OR52N4: variants seen among roughly 807,000 people sequenced by gnomAD.
The protein encoded by OR52N4 is olfactory receptor 52N4.
Under a neutral mutation model 15.0 loss-of-function variants are expected in OR52N4, and 15 were observed. The ratio of observed to expected loss-of-function variants is 1.00; its 90% CI spans 0.67 to 1.54. OR52N4 has a LOEUF of 1.54. Among genes scored for constraint, OR52N4 ranks in the 40% most tolerant of loss-of-function variants. The pLI, the probability that OR52N4 is intolerant of heterozygous loss-of-function variation, is 0.00. For missense variants in OR52N4, 421 were observed against 394.0 expected, an observed-to-expected ratio of 1.07 and a Z score of -0.58; for synonymous variants, 143 against 143.7, an observed-to-expected ratio of 1.00 and a Z score of 0.03.
the OR52N4 span, among the ~76,000 whole-genome samples, chr11:5,727,685 G>A: frequency 2.0e-5 from 3 of 152,146 alleles, no homozygotes; most frequent in Non-Finnish European, 4.4e-5. Context: ...GTAACGTGCA[G>A]ATATTGAAAA....
chr11:5,754,438 AAT>A (rs1188633317), intron 1 of OR52N4, 133 bp downstream of exon 1: 1 of 295,938 alleles, frequency 3.4e-6, no homozygotes, highest in Non-Finnish European at 6.2e-6. Flanking sequence ...TGAGATTGGG[AAT>A]ATGTCTTTTT....
chr11:5,729,362 C>T, the OR52N4 span, among the ~76,000 whole-genome samples: 6 of 152,062 alleles, frequency 3.9e-5, no homozygotes, highest in South Asian at 2.1e-4. Context: ...CCTTGTGATC[C>T]GCCTGCCTCA....
At chr11:5,728,523 C>T in the OR52N4 span, among the ~76,000 whole-genome samples, 1 of 152,156 alleles carries the variant, frequency 6.6e-6, no homozygotes, top group Non-Finnish European at 1.5e-5. Context: ...AACAAATTAG[C>T]ATTTTCAATT....
At chr11:5,734,618 C>A in the OR52N4 span, among the ~76,000 whole-genome samples, 1 of 152,016 alleles carries the variant, frequency 6.6e-6, no homozygotes, top group Admixed American at 6.5e-5. Flanking sequence ...AATTGTATCA[C>A]ACATATACAA....
upstream of OR52N4, among the ~76,000 whole-genome samples, chr11:5,750,887 A>G (rs1854176194): frequency 6.6e-6 from 1 of 152,056 alleles, no homozygotes; most frequent in African/African-American, 2.4e-5. Context: ...TACCTTAATT[A>G]AAAATTTAAA....
the OR52N4 span, among the ~76,000 whole-genome samples, chr11:5,733,637 C>A: frequency 4.6e-5 from 7 of 152,084 alleles, no homozygotes; most frequent in Non-Finnish European, 7.4e-5. Context: ...TATTCTCTCC[C>A]CCCACCTCAA....
the OR52N4 span, among the ~76,000 whole-genome samples, chr11:5,744,782 G>A: frequency 2.6e-5 from 4 of 152,104 alleles, no homozygotes; most frequent in East Asian, 1.9e-4. Context: ...GCATGGTGGC[G>A]CATGCCTGTA....
upstream of OR52N4, among the ~76,000 whole-genome samples, chr11:5,753,822 A>C (rs998985998): frequency 6.6e-6 from 1 of 151,874 alleles, no homozygotes; most frequent in African/African-American, 2.4e-5. Context: ...GTGAAACCCC[A>C]TCTCTGCTAA....
At chr11:5,735,379 GTAAA>G in the OR52N4 span, among the ~76,000 whole-genome samples, 3 of 152,036 alleles carry the variant, frequency 2.0e-5, no homozygotes, top group South Asian at 4.1e-4. Flanking sequence ...ATAATAAATG[GTAAA>G]TAAATAAAGG....
intron 1 of OR52N4, 135 bp from the exon 2 acceptor site, chr11:5,754,558 A>T (rs12364723): frequency 1.7e-6 from 1 of 578,472 alleles, no homozygotes; most frequent in Non-Finnish European, 2.9e-6. Flanking sequence ...TAAACAGACA[A>T]ACAAAATTAT....
At chr11:5,732,873 C>T in the OR52N4 span, among the ~76,000 whole-genome samples, 1 of 152,142 alleles carries the variant, frequency 6.6e-6, no homozygotes, top group Non-Finnish European at 1.5e-5. Context: ...CTCATTTGAA[C>T]TCATTCTCTT....
chr11:5,755,403 C>T lies in OR52N4; in HGVS notation c.663C>T (p.Thr221=), dbSNP rs891641662. The change falls in exon 2 of 2, where the codon ACC becomes ACT. Residue 221 remains threonine (T), a synonymous_variant. Coordinates refer to ENST00000641350, the MANE Select transcript of OR52N4 (RefSeq NM_001005175.5). ...FDILCITNSY[T]MILRAVVSLS... is the part of the protein sequence containing the mutation. ...TACTGTGTATCACCAACTCCTATAC[C>T]ATGATTCTCCGGGCAGTGGTCAGCC... The T allele has an allele frequency of 1.6e-5, 26 of 1,613,890 alleles. No individual in the cohort carries two copies. The highest frequency in any genetic ancestry group is 2.2e-5 in the Non-Finnish European group (26 of 1,179,962).
chr11:5,753,818 C>A (rs992713538), upstream of OR52N4, among the ~76,000 whole-genome samples: 1 of 151,766 alleles, frequency 6.6e-6, no homozygotes, highest in Non-Finnish European at 1.5e-5. Context: ...TATAGTGAAA[C>A]CCCATCTCTG....
chr11:5,745,506 T>C, the OR52N4 span, among the ~76,000 whole-genome samples: 2 of 152,108 alleles, frequency 1.3e-5, no homozygotes, highest in South Asian at 4.1e-4. Context: ...GTGAAAGATC[T>C]CTACAAGGAG....
chr11:5,737,539 T>C, the OR52N4 span: 3 of 1,523,474 alleles, frequency 2.0e-6, no homozygotes, highest in South Asian at 2.6e-5. Context: ...CTAAACTGGA[T>C]AGTAAAATTT....
At chr11:5,726,752 C>T in the OR52N4 span, 3 of 153,282 alleles carry the variant, frequency 2.0e-5, no homozygotes, top group Admixed American at 6.5e-5. Context: ...TCCCAAGCTA[C>T]TGGCTATCTT....
the OR52N4 span, among the ~76,000 whole-genome samples, chr11:5,732,414 A>C: frequency 1.3e-5 from 2 of 152,172 alleles, no homozygotes. Flanking sequence ...ATGCACTCCA[A>C]AAATAGACAG....
chr11:5,754,446 T>C (rs988467609), intron 1 of OR52N4, 141 bp downstream of exon 1: 2 of 311,340 alleles, frequency 6.4e-6, no homozygotes, highest in East Asian at 6.3e-5. Context: ...GGAATATGTC[T>C]TTTTATAAAA....
upstream of OR52N4, among the ~76,000 whole-genome samples, chr11:5,753,069 C>T (rs1326936408): frequency 6.6e-6 from 1 of 151,940 alleles, no homozygotes; most frequent in Non-Finnish European, 1.5e-5. Context: ...AGGTTTTTTC[C>T]AGTTTTAGGC....
Sources: gnomAD v4.1 joint callset for allele counts (sites outside exome capture counted in the v4.1 genomes callset) on GRCh38, gnomAD v4.1.1 for gene constraint, MANE v1.5 for transcripts, NCBI Gene and HGNC (gene_info 2026-07-23, HGNC 2026-07-21) for gene names.